KCNH8: variants seen among roughly 807,000 people sequenced by gnomAD.
KCNH8 encodes the protein voltage-gated delayed rectifier potassium channel KCNH8.
In KCNH8, 70 loss-of-function variants were observed where a neutral mutation model predicts 103.6. That is an observed-to-expected ratio of 0.68 (90% CI 0.56 to 0.82). The LOEUF (loss-of-function observed/expected upper bound fraction) is 0.82. Among genes scored for constraint, KCNH8 ranks in the 40% least tolerant of loss-of-function variants. The pLI, the probability that KCNH8 is intolerant of heterozygous loss-of-function variation, is 0.00. For missense variants in KCNH8, 1,217 were observed against 1,329.9 expected (o/e 0.92, Z 1.32); for synonymous variants, 498 against 489.4 (o/e 1.02, Z -0.23).
chr3:19,176,229 T>C (rs1172171944), intron 1 of KCNH8, among the ~76,000 whole-genome samples: 5 of 152,308 alleles, frequency 3.3e-5, no homozygotes, highest in Non-Finnish European at 5.9e-5. Context: ...AATAATTACC[T>C]TGTTCAGCTT....
In KCNH8 at chr3:19,239,680, A is replaced by ATCTG. The variant is rs1284663757; in HGVS notation, c.77-13971_77-13970insGTCT. 2.6e-5 allele frequency among the ~76,000 whole-genome samples: 4 copies of ATCTG among 151,176 alleles called. No homozygotes were observed. The East Asian group carries it at 7.7e-4, about 29-fold the overall frequency. ...TATCTATCTATCTATCTATCTATCT[A>ATCTG]TCTACCTACCTACCTATCTATCTAA... On this transcript the variant is annotated intron_variant, in intron 1 of 15. Transcript: ENST00000328405.
At chr3:19,501,930 A>T (rs1213081039) in intron 11 of KCNH8, among the ~76,000 whole-genome samples, 1 of 151,656 alleles carries the variant, frequency 6.6e-6, no homozygotes, top group African/African-American at 2.4e-5. Context: ...GGCCAGGGCA[A>T]TTAGGAGAAG....
chr3:19,346,852 T>C, intron 4 of KCNH8: 1 of 351,190 alleles, frequency 2.8e-6, no homozygotes, highest in Non-Finnish European at 5.7e-6. Flanking sequence ...GGTCTGCAAG[T>C]AGCTGGTCAC....
chr3:19,393,460 C>G (rs1559305901), intron 6 of KCNH8, among the ~76,000 whole-genome samples: 1 of 152,022 alleles, frequency 6.6e-6, no homozygotes. Flanking sequence ...GCTCAAACAT[C>G]CCCTTTCCGG....
intron 1 of KCNH8, among the ~76,000 whole-genome samples, chr3:19,182,422 T>G (rs2063462471): frequency 6.6e-6 from 1 of 152,140 alleles, no homozygotes; most frequent in Non-Finnish European, 1.5e-5. Flanking sequence ...TCCCAGCTAC[T>G]TGGGAGGCTG....
At chr3:19,337,789 C>T (rs1575537509) in intron 3 of KCNH8, among the ~76,000 whole-genome samples, 2 of 152,068 alleles carry the variant, frequency 1.3e-5, no homozygotes, top group South Asian at 4.1e-4. Context: ...CTTCTGTTGT[C>T]TCTTTCTAAT....
chr3:19,504,557 G>C (rs2068654234), intron 11 of KCNH8, among the ~76,000 whole-genome samples: 1 of 152,032 alleles, frequency 6.6e-6, no homozygotes, highest in South Asian at 2.1e-4. Context: ...AGACCTACAA[G>C]TGGCCAACAG....
At position 19,290,135 on chromosome 3, in the gene KCNH8, G is replaced by C. The variant is rs374539483; in HGVS notation, c.442+8806G>C. Among the ~76,000 whole-genome samples the C allele has an allele frequency of 5.0e-4, 76 of 152,254 alleles. 1 individual carries two copies. In the East Asian group the frequency reaches 0.012, roughly 24 times the overall value. On this transcript the variant is annotated intron_variant, in intron 3 of 15. Transcript: ENST00000328405. Reference sequence around the variant, plus strand: ...TTGCTGAAGTTGCCTATCAGCTTAAGGAGATTTTGGGCTGAGACAATGGGG... The same window carrying C: ...TTGCTGAAGTTGCCTATCAGCTTAACGAGATTTTGGGCTGAGACAATGGGG...
rs377705513 is a variant in KCNH8 at position 19,283,216 on chromosome 3, T to G, written c.442+1887T>G. Among the ~76,000 whole-genome samples the G allele has an allele frequency of 1.1e-4, 16 of 152,288 alleles. 2 individuals carry two copies. The highest frequency in any genetic ancestry group is 5.8e-4 in the East Asian group (3 of 5,182). On this transcript the variant is annotated intron_variant, in intron 3 of 15. Coordinates refer to ENST00000328405, the MANE Select transcript of KCNH8 (RefSeq NM_144633.3). ...CACTTGAAAGATTACACCTGTCATT[T>G]GGAAGTGAAGGACATCAATTTGAAC...
intron 7 of KCNH8, among the ~76,000 whole-genome samples, chr3:19,434,218 G>C (rs906635034): frequency 6.6e-6 from 1 of 152,186 alleles, no homozygotes; most frequent in African/African-American, 2.4e-5. Context: ...TTGAAGCACA[G>C]AGACAGATAT....
At chr3:19,170,972 C>T (rs1484871240) in intron 1 of KCNH8, among the ~76,000 whole-genome samples, 1 of 151,748 alleles carries the variant, frequency 6.6e-6, no homozygotes, top group Non-Finnish European at 1.5e-5. Flanking sequence ...CCACTGCGCC[C>T]GGCTAATTTT....
At chr3:19,278,473 GA>G (rs1485905895) in intron 2 of KCNH8, among the ~76,000 whole-genome samples, 2 of 113,182 alleles carry the variant, frequency 1.8e-5, no homozygotes, top group African/African-American at 6.9e-5. Context: ...AAAGGGAAGG[GA>G]AGGAAGGAAG....
intron 3 of KCNH8, among the ~76,000 whole-genome samples, chr3:19,304,337 A>G (rs1341879446): frequency 6.6e-6 from 1 of 152,136 alleles, no homozygotes; most frequent in Non-Finnish European, 1.5e-5. Flanking sequence ...GATGTGAAAA[A>G]CTGCCAAGAC....
chr3:19,154,101 C>G (rs778403386), intron 1 of KCNH8, among the ~76,000 whole-genome samples: 4 of 152,088 alleles, frequency 2.6e-5, no homozygotes, highest in Non-Finnish European at 5.9e-5. Flanking sequence ...AAGGTGCAGA[C>G]AAAGGGCTAT....
At chr3:19,434,151 A>G (rs1297532812) in intron 7 of KCNH8, among the ~76,000 whole-genome samples, 2 of 152,186 alleles carry the variant, frequency 1.3e-5, no homozygotes, top group African/African-American at 4.8e-5. Flanking sequence ...AGTGTTTTTA[A>G]AGCAAAACAA....
At chr3:19,352,250 A>G (rs2065813531) in intron 5 of KCNH8, among the ~76,000 whole-genome samples, 3 of 152,222 alleles carry the variant, frequency 2.0e-5, no homozygotes, top group Non-Finnish European at 2.9e-5. Context: ...TTAGAGACAT[A>G]CAAAGAGACT....
intron 7 of KCNH8, among the ~76,000 whole-genome samples, chr3:19,421,067 T>G (rs1474845061): frequency 1.3e-5 from 2 of 152,176 alleles, no homozygotes; most frequent in Non-Finnish European, 2.9e-5. Context: ...TTGGTAGAAT[T>G]TGACACTTTT....
At chr3:19,395,348 AT>A in intron 7 of KCNH8, 37 bp downstream of exon 7, 1 of 1,458,838 alleles carries the variant, frequency 6.9e-7, no homozygotes, top group South Asian at 1.2e-5. Context: ...CCATTTTTTA[AT>A]TTAAAAAAAA....
intron 5 of KCNH8, among the ~76,000 whole-genome samples, chr3:19,373,934 A>G (rs937683453): frequency 6.6e-6 from 1 of 152,104 alleles, no homozygotes; most frequent in African/African-American, 2.4e-5. Flanking sequence ...TGAGATTCTT[A>G]ATCCTGAGTT....
Sources: gnomAD v4.1 joint callset for allele counts (sites outside exome capture counted in the v4.1 genomes callset) on GRCh38, gnomAD v4.1.1 for gene constraint, MANE v1.5 for transcripts, NCBI Gene and HGNC (gene_info 2026-07-23, HGNC 2026-07-21) for gene names.